The following AKAP6 variants were observed in gnomAD, a reference collection of about 807,000 sequenced individuals.
The protein encoded by AKAP6 is A-kinase anchor protein 6.
A neutral mutation model predicts 188.5 loss-of-function variants in AKAP6; 58 were observed. That is an observed-to-expected ratio of 0.31 (90% confidence interval 0.25 to 0.38). The LOEUF is 0.38. Among genes scored for constraint, AKAP6 ranks in the 10% least tolerant of loss-of-function variants. The pLI is 1.00. For missense variants in AKAP6, 2,710 were observed against 2,740.0 expected (o/e 0.99, Z 0.24); for synonymous variants, 989 against 998.6 (o/e 0.99, Z 0.18).
chr14:32,731,755 C>T (rs2031186206), intron 9 of AKAP6, among the ~76,000 whole-genome samples: 1 of 152,038 alleles, frequency 6.6e-6, no homozygotes, highest in Admixed American at 6.6e-5. Context: ...GTAACTGTCA[C>T]ATTAAATAGC....
intron 2 of AKAP6, among the ~76,000 whole-genome samples, chr14:32,527,694 G>A (rs957401853): frequency 2.0e-5 from 3 of 152,090 alleles, no homozygotes; most frequent in African/African-American, 7.2e-5. Context: ...GCATTTCCCT[G>A]ATGACTTATC....
chr14:32,540,476 G>A (rs1181017845), intron 3 of AKAP6, among the ~76,000 whole-genome samples: 1 of 152,034 alleles, frequency 6.6e-6, no homozygotes, highest in Non-Finnish European at 1.5e-5. Context: ...TGGGATTACA[G>A]GTGTAAGCTA....
intron 7 of AKAP6, among the ~76,000 whole-genome samples, chr14:32,610,684 G>A (rs71419917): frequency 0.02 from 3,050 of 152,288 alleles, 41 homozygotes; most frequent in Non-Finnish European, 0.033. Flanking sequence ...GGCAAAATTG[G>A]TAGTAGAAAG....
intron 1 of AKAP6, among the ~76,000 whole-genome samples, chr14:32,368,193 A>G (rs1887896208): frequency 6.6e-6 from 1 of 152,084 alleles, no homozygotes; most frequent in South Asian, 2.1e-4. Flanking sequence ...AGCTTAACAC[A>G]TGGTACCTAG....
chr14:32,454,741 CTCCCTCCTTCCCTCCCTCCCTCCCTCCT>C (rs1891079757), intron 2 of AKAP6, among the ~76,000 whole-genome samples: 1 of 15,104 alleles, frequency 6.6e-5, no homozygotes, highest in East Asian at 9.8e-4. Flanking sequence ...CCTTCCCTCC[CTCCCTCCTTCCCTCCCTCCCTCCCTCCT>C]TCCCTCCTTC....
chr14:32,517,642 G>C (rs897981780), intron 2 of AKAP6, among the ~76,000 whole-genome samples: 1 of 152,246 alleles, frequency 6.6e-6, no homozygotes, highest in Admixed American at 6.5e-5. Flanking sequence ...CAGCAAGGCT[G>C]GGGGAGGGGC....
chr14:32,418,688 A>G (rs541184195), intron 1 of AKAP6, among the ~76,000 whole-genome samples: 1 of 152,244 alleles, frequency 6.6e-6, no homozygotes, highest in East Asian at 1.9e-4. Context: ...TTGATGAAGG[A>G]CCTACTGGAT....
At chr14:32,751,030 A>G (rs897213454) in intron 11 of AKAP6, among the ~76,000 whole-genome samples, 3 of 151,976 alleles carry the variant, frequency 2.0e-5, no homozygotes, top group African/African-American at 7.3e-5. Context: ...CACCGCACCC[A>G]GCCTGTTCAT....
rs1450626603 is a variant in AKAP6 at position 32,582,384 on chromosome 14, C to T, written c.2469+5142C>T. Among the ~76,000 whole-genome samples the T allele has an allele frequency of 2.4e-3, 362 of 151,920 alleles. 1 individual carries two copies. The highest frequency in any genetic ancestry group is 8.4e-3 in the African/African-American group (347 of 41,524). On this transcript the variant is annotated intron_variant, in intron 5 of 13. Coordinates refer to ENST00000280979, the MANE Select transcript of AKAP6 (RefSeq NM_004274.5). ...GATCCGCTGTTAGTCTGATGGGCTT[C>T]CCTTTGTGGGTAACCCGACCTTTCT...
At chr14:32,777,911 T>G (rs1174089681) in intron 12 of AKAP6, among the ~76,000 whole-genome samples, 1 of 152,088 alleles carries the variant, frequency 6.6e-6, no homozygotes, top group African/African-American at 2.4e-5. Flanking sequence ...TGAAGACACA[T>G]GCGTGCAGTC....
At chr14:32,367,688 A>T (rs988262691) in intron 1 of AKAP6, among the ~76,000 whole-genome samples, 1 of 152,110 alleles carries the variant, frequency 6.6e-6, no homozygotes, top group African/African-American at 2.4e-5. Flanking sequence ...GTTCTACTTA[A>T]TCCAGCCTAT....
At chr14:32,802,697 T>C (rs2033982172) in intron 12 of AKAP6, among the ~76,000 whole-genome samples, 1 of 152,224 alleles carries the variant, frequency 6.6e-6, no homozygotes. Flanking sequence ...TTCATCATGC[T>C]TTATTTACAA....
intron 9 of AKAP6, among the ~76,000 whole-genome samples, chr14:32,731,950 A>G (rs1427630851): frequency 2.0e-5 from 3 of 152,028 alleles, no homozygotes; most frequent in Non-Finnish European, 4.4e-5. Flanking sequence ...TTTTCTCTAT[A>G]TATGTACCTT....
intron 1 of AKAP6, among the ~76,000 whole-genome samples, chr14:32,384,026 G>T (rs557312590): frequency 6.6e-6 from 1 of 152,284 alleles, no homozygotes; most frequent in South Asian, 2.1e-4. Flanking sequence ...TTAATGGACT[G>T]GTTCATGACG....
intron 7 of AKAP6, among the ~76,000 whole-genome samples, chr14:32,622,593 G>T (rs994450203): frequency 6.6e-6 from 1 of 152,082 alleles, no homozygotes; most frequent in Non-Finnish European, 1.5e-5. Context: ...CCCTCAAAGG[G>T]TTATTGAATT....
At chr14:32,499,072 A>C (rs1486575521) in intron 2 of AKAP6, among the ~76,000 whole-genome samples, 1 of 152,084 alleles carries the variant, frequency 6.6e-6, no homozygotes, top group Non-Finnish European at 1.5e-5. Context: ...TGAACAAATA[A>C]ATGAATGAAT....
intron 1 of AKAP6, among the ~76,000 whole-genome samples, chr14:32,374,010 G>A (rs1005801699): frequency 2.5e-4 from 38 of 152,192 alleles, no homozygotes; most frequent in Admixed American, 4.6e-4. Flanking sequence ...AACCCCTGGC[G>A]TATGGAACAG....
chr14:32,797,087 C>T (rs1404963244), intron 12 of AKAP6, among the ~76,000 whole-genome samples: 1 of 152,184 alleles, frequency 6.6e-6, no homozygotes. Flanking sequence ...GATACCATCT[C>T]ACGCCAGTCA....
intron 7 of AKAP6, among the ~76,000 whole-genome samples, chr14:32,608,432 G>A (rs143923219): frequency 6.6e-6 from 1 of 151,360 alleles, no homozygotes; most frequent in African/African-American, 2.4e-5. Context: ...CCTGGGAGAT[G>A]GAGTTTGCAG....
Sources: allele counts gnomAD v4.1 joint callset (sites outside exome capture counted in the v4.1 genomes callset), GRCh38; gene constraint gnomAD v4.1.1; transcripts MANE v1.5; gene names NCBI Gene and HGNC (gene_info 2026-07-23, HGNC 2026-07-21).